FOXP1: variants seen among roughly 807,000 people sequenced by gnomAD.
FOXP1 encodes the protein forkhead box P1, also known as forkhead box protein P1.
FOXP1 carries 15 observed loss-of-function variants against 98.2 expected under a neutral mutation model. The observed-to-expected ratio is 0.15, with a 90% confidence interval of 0.10 to 0.24. The LOEUF (loss-of-function observed/expected upper bound fraction) is 0.24, where lower values mean the gene tolerates loss of function less well. Among genes scored for constraint, FOXP1 ranks in the 10% least tolerant of loss-of-function variants. The pLI, the probability that FOXP1 is intolerant of heterozygous loss-of-function variation, is 1.00. For synonymous variants in FOXP1, 371 were observed against 314.5 expected, an observed-to-expected ratio of 1.18 and a Z score of -1.90; for missense variants, 633 against 848.5, an observed-to-expected ratio of 0.75 and a Z score of 3.15.
At chr3:70,965,405 T>G (rs2034536165) in intron 20 of FOXP1, among the ~76,000 whole-genome samples, 1 of 152,228 alleles carries the variant, frequency 6.6e-6, no homozygotes, top group Non-Finnish European at 1.5e-5. Flanking sequence ...TTAAGAGCAA[T>G]CTATAAATCA....
At chr3:71,126,464 G>A (rs893579135) in intron 6 of FOXP1, among the ~76,000 whole-genome samples, 2 of 151,938 alleles carry the variant, frequency 1.3e-5, no homozygotes, top group African/African-American at 4.8e-5. Flanking sequence ...ACTCTAGCCT[G>A]GGCCACAGAG....
chr3:71,298,133 T>G (rs1043032381), intron 5 of FOXP1, among the ~76,000 whole-genome samples: 1 of 152,194 alleles, frequency 6.6e-6, no homozygotes, highest in Non-Finnish European at 1.5e-5. Context: ...AGAAAAAGTT[T>G]GCAGACCCTT....
intron 5 of FOXP1, among the ~76,000 whole-genome samples, chr3:71,277,756 T>C (rs2071066645): frequency 6.8e-6 from 1 of 146,160 alleles, no homozygotes; most frequent in Non-Finnish European, 1.5e-5. Flanking sequence ...ACTGTTTACC[T>C]TCATAGAGGT....
At chr3:71,074,192 AACAG>A (rs1366706419) in intron 7 of FOXP1, among the ~76,000 whole-genome samples, 6 of 152,194 alleles carry the variant, frequency 3.9e-5, no homozygotes, top group African/African-American at 1.4e-4. Flanking sequence ...GTGCCCACTT[AACAG>A]ACAGATAAAC....
chr3:70,980,127 A>T (rs58239830), intron 14 of FOXP1, among the ~76,000 whole-genome samples: 3,236 of 152,248 alleles, frequency 0.021, 111 homozygotes, highest in African/African-American at 0.073. Flanking sequence ...ACACATTTGC[A>T]AACTAAGTGT....
intron 7 of FOXP1, among the ~76,000 whole-genome samples, chr3:71,109,355 CT>C (rs1210541014): frequency 6.6e-6 from 1 of 151,996 alleles, no homozygotes; most frequent in African/African-American, 2.4e-5. Context: ...CCAGAGAGCG[CT>C]GCCAAACATA....
intron 2 of FOXP1, among the ~76,000 whole-genome samples, chr3:71,547,902 G>A (rs1370836763): frequency 3.9e-5 from 6 of 152,184 alleles, no homozygotes; most frequent in Admixed American, 3.9e-4. Context: ...TGGAAGAAAA[G>A]GTCTAAGGTT....
chr3:71,039,918 C>T (rs2048112660), intron 11 of FOXP1, among the ~76,000 whole-genome samples: 1 of 152,174 alleles, frequency 6.6e-6, no homozygotes, highest in African/African-American at 2.4e-5. Context: ...TCTATCTATT[C>T]TTCAAACTCT....
intron 6 of FOXP1, among the ~76,000 whole-genome samples, chr3:71,132,529 C>T (rs1458874700): frequency 6.6e-6 from 1 of 152,160 alleles, no homozygotes; most frequent in African/African-American, 2.4e-5. Context: ...TGTTTGTTAA[C>T]AAACACTGAA....
At chr3:71,137,216 T>G (rs1206004350) in intron 6 of FOXP1, among the ~76,000 whole-genome samples, 2 of 152,200 alleles carry the variant, frequency 1.3e-5, no homozygotes, top group Non-Finnish European at 2.9e-5. Context: ...GAGAAGTGAA[T>G]TGACCCTCAA....
chr3:71,388,444 T>A (rs998322602), intron 3 of FOXP1, among the ~76,000 whole-genome samples: 1 of 152,202 alleles, frequency 6.6e-6, no homozygotes, highest in African/African-American at 2.4e-5. Context: ...ATTCTCTAAA[T>A]CTACCCGAAC....
chr3:71,168,172 A>C (rs1249626714), intron 6 of FOXP1, among the ~76,000 whole-genome samples: 2 of 152,228 alleles, frequency 1.3e-5, no homozygotes, highest in Non-Finnish European at 2.9e-5. Context: ...TGCTTAAATT[A>C]CCGAATTTCG....
intron 6 of FOXP1, among the ~76,000 whole-genome samples, chr3:71,168,773 C>T (rs2061504131): frequency 1.3e-5 from 2 of 152,104 alleles, no homozygotes; most frequent in Non-Finnish European, 2.9e-5. Context: ...ACTTTTTTCC[C>T]CCGTTTTTAG....
intron 6 of FOXP1, among the ~76,000 whole-genome samples, chr3:71,197,241 G>C (rs1446142818): frequency 6.6e-6 from 1 of 152,060 alleles, no homozygotes; most frequent in African/African-American, 2.4e-5. Flanking sequence ...ACCTGTTTCT[G>C]AGTGGCGCCA....
At chr3:70,968,267 G>C (rs2035390861) in intron 19 of FOXP1, 1 of 151,934 alleles carries the variant, frequency 6.6e-6, no homozygotes, top group South Asian at 2.1e-4. Context: ...TGATCCGCAA[G>C]AGAGCTTCTT....
At chr3:71,315,079 T>TAAAAAAAAAAAAAAAAAAAAAAAAA (rs11355298) in intron 4 of FOXP1, among the ~76,000 whole-genome samples, 12 of 70,692 alleles carry the variant, frequency 1.7e-4, no homozygotes, top group East Asian at 6.5e-4. Flanking sequence ...CTGGTCCATG[T>TAAAAAAAAAAAAAAAAAAAAAAAAA]AAAAAAAAAA....
chr3:71,245,158 T>C lies in FOXP1; in HGVS notation c.-11-46766A>G, dbSNP rs370055660. The C allele has an allele frequency of 9.5e-4, 144 of 152,322 alleles. 1 individual carries two copies. Among genetic ancestry groups the C allele is most frequent in the African/African-American group, 3.2e-3 (135 of 41,572 alleles). The allele number at this position is 152,322 out of a possible 1,614,324, so 9.4% of individuals were successfully genotyped here. On this transcript the variant is annotated intron_variant, in intron 5 of 20. Transcript: ENST00000649528. ...TTGTGGAGTTGTACCGTTTGTTTCT[T>C]ATTGTCTGAGAAGCAGTTAGGAGCT...
chr3:71,445,687 AC>A (rs914241258), intron 3 of FOXP1, among the ~76,000 whole-genome samples: 2 of 136,000 alleles, frequency 1.5e-5, no homozygotes, highest in Admixed American at 7.3e-5. Flanking sequence ...AGATATTTAT[AC>A]CTTTTTTTTT....
rs2046277569 is a variant in FOXP1 at position 71,027,414 on chromosome 3, C to T, written c.870-11761G>A. Among the ~76,000 whole-genome samples the T allele has an allele frequency of 2.0e-5, 3 of 152,274 alleles. No homozygotes were observed. In the South Asian group the frequency reaches 6.2e-4, roughly 32 times the overall value. On this transcript the variant is annotated intron_variant, in intron 11 of 20. Transcript: ENST00000649528. ...AGCAGGAGATGAAGGGACAAGTTAGCCAAAGATACAAAATGGCTCAAAACT... is the reference window on the plus strand; with the variant it reads ...AGCAGGAGATGAAGGGACAAGTTAGTCAAAGATACAAAATGGCTCAAAACT...
Sources: gnomAD v4.1 joint callset for allele counts (sites outside exome capture counted in the v4.1 genomes callset) on GRCh38, gnomAD v4.1.1 for gene constraint, MANE v1.5 for transcripts, NCBI Gene and HGNC (gene_info 2026-07-23, HGNC 2026-07-21) for gene names.